Variants in CXCR6 observed in about 807,000 individuals in gnomAD.
The protein encoded by CXCR6 is C-X-C chemokine receptor type 6.
A neutral mutation model predicts 1.6 loss-of-function variants in CXCR6; 3 were observed. That is an observed-to-expected ratio of 1.83 (90% confidence interval 0.83 to 4.72). The LOEUF (loss-of-function observed/expected upper bound fraction) is 4.72, where lower values mean the gene tolerates loss of function less well. Among genes scored for constraint, CXCR6 ranks in the 30% most tolerant of loss-of-function variants. The probability of loss-of-function intolerance (pLI) is 0.02; values close to 1 mark genes in which losing one functional copy is unlikely to be tolerated. For missense variants in CXCR6, 326 were observed against 414.8 expected (o/e 0.79, Z 1.86); for synonymous variants, 171 against 159.2 (o/e 1.07, Z -0.56).
rs1470315626 is a variant in CXCR6 at position 45,947,822 on chromosome 3, G to A, written c.*312G>A. ...TCAGGTTCTCCTTGATTGGGACTGGGGCTGAAGGTTGAAGAGGTGAGCACG... is the reference window on the plus strand; with the variant it reads ...TCAGGTTCTCCTTGATTGGGACTGGAGCTGAAGGTTGAAGAGGTGAGCACG... On this transcript the variant is annotated 3_prime_UTR_variant, in exon 2 of 2. Transcript: ENST00000304552. The A allele has an allele frequency of 8.8e-6, 3 of 340,472 alleles. No individual in the cohort carries two copies. The highest frequency in any genetic ancestry group is 4.2e-5 in the African/African-American group (2 of 47,558). 21.1% of individuals were successfully genotyped at this position (340,472 alleles called of 1,614,324 possible).
Position 45,946,625 on chromosome 3 carries a change from G to A in CXCR6, c.144G>A (p.Gly48=), listed in dbSNP as rs139593309. 1.2e-6 allele frequency: 2 copies of A among 1,614,196 alleles called. No homozygotes were observed. The highest frequency in any genetic ancestry group is 1.3e-5 in the African/African-American group (1 of 75,044). The change falls in exon 2 of 2, where the codon GGG becomes GGA. Residue 48 remains glycine, a synonymous_variant. Transcript: ENST00000304552. ...TGGTGTTTGTCTGTGGTCTGGTGGG[G>A]AACTCTCTGGTGCTGGTCATATCCA... ...YLVVFVCGLV[G]NSLVLVISIF...
upstream of CXCR6, among the ~76,000 whole-genome samples, chr3:45,942,748 T>C (rs1336279609): frequency 6.6e-6 from 1 of 152,148 alleles, no homozygotes. Context: ...AGTCAACATC[T>C]GGGGAATTCC....
intron 1 of CXCR6, 92 bp from the exon 2 acceptor site, chr3:45,946,369 T>C: frequency 1.1e-6 from 1 of 899,940 alleles, no homozygotes; most frequent in Non-Finnish European, 1.7e-6. Context: ...AGAAGATGAC[T>C]ATTTGCCCCC....
rs1023264283 is a variant in CXCR6, at chr3:45,948,182, C to T, written c.*672C>T. 1 of 167,140 alleles carries T rather than the reference C, an allele frequency of 6.0e-6. No homozygotes were observed. The highest frequency in any genetic ancestry group is 1.5e-5 in the Non-Finnish European group (1 of 68,170). 10.4% of individuals were successfully genotyped at this position (167,140 alleles called of 1,614,324 possible). On this transcript the variant is annotated 3_prime_UTR_variant, in exon 2 of 2. Coordinates refer to ENST00000304552, the MANE Select transcript of CXCR6 (RefSeq NM_006564.2). ...TTAAGACTGTAATGAATCTAAGCAG[C>T]ATTTCTGAAGTGGACTCTTTGGTGG... is the stretch of plus-strand genomic sequence containing the variant.
At chr3:45,944,679 T>C (rs1276011032) in intron 1 of CXCR6, among the ~76,000 whole-genome samples, 1 of 152,178 alleles carries the variant, frequency 6.6e-6, no homozygotes, top group African/African-American at 2.4e-5. Flanking sequence ...TTATTATACA[T>C]CAAAGTTTAC....
In CXCR6 at chr3:45,947,767, C is replaced by A; in HGVS notation, c.*257C>A. 1 of 487,026 alleles carries A rather than the reference C, an allele frequency of 2.1e-6. No individual in the cohort carries two copies. Among genetic ancestry groups the A allele is most frequent in the African/African-American group, 1.9e-5 (1 of 51,670 alleles). 30.2% of individuals were successfully genotyped at this position (487,026 alleles called of 1,614,324 possible). On this transcript the variant is annotated 3_prime_UTR_variant, in exon 2 of 2. Transcript: ENST00000304552. ...CCTCCATCTCCAAGAATGCTGAAAC[C>A]AAGGGGGATGACATGTGACTCCTAT...
upstream of CXCR6, chr3:45,941,027 C>A (rs1704197097): frequency 6.6e-6 from 1 of 152,220 alleles, no homozygotes; most frequent in Non-Finnish European, 1.5e-5. Flanking sequence ...TGGCTCTGCT[C>A]CCACCAGATG....
Position 45,947,234 on chromosome 3 carries a change from G to T in CXCR6, c.753G>T (p.Lys251Asn). The T allele has an allele frequency of 2.5e-6, 4 of 1,614,166 alleles. No individual in the cohort carries two copies. The highest frequency in any genetic ancestry group is 3.4e-6 in the Non-Finnish European group (4 of 1,180,048). ...LLTQMPFNLM[K>N]FIRSTHWEYY... is the part of the protein sequence containing the mutation. ...CCCAGATGCCCTTCAACCTCATGAA[G>T]TTCATCCGCAGCACACACTGGGAAT... The change falls in exon 2 of 2, where the codon AAG (lysine) becomes AAT (asparagine). Residue 251 changes from lysine (K) to asparagine (N), a missense_variant. By Grantham distance (94) the Lys-to-Asn change is moderately conservative. Coordinates refer to ENST00000304552, the MANE Select transcript of CXCR6 (RefSeq NM_006564.2).
chr3:45,942,347 C>T (rs1704278776), upstream of CXCR6, among the ~76,000 whole-genome samples: 1 of 152,214 alleles, frequency 6.6e-6, no homozygotes, highest in African/African-American at 2.4e-5. Context: ...AGCATAGGGC[C>T]AGGCTTGCGG....
In CXCR6 at chr3:45,947,506, T is replaced by A; in HGVS notation, c.1025T>A (p.Leu342Ter). The A allele has an allele frequency of 6.2e-7, 1 of 1,611,512 alleles. No homozygotes were observed. Among genetic ancestry groups the A allele is most frequent in the Non-Finnish European group, 8.5e-7 (1 of 1,177,838 alleles). ...GTGGAGGCCACCAGCATGTTCCAGT[T>A]ATAGGCCTTGCCAGGGTTTCGAGAA... ...HNVEATSMFQ[L>*] is the part of the protein sequence containing the mutation. Residue 342 changes from leucine to a stop codon, truncating the protein, a stop_gained, in exon 2 of 2, where the codon TTA (leucine) becomes TAA (stop). Coordinates refer to ENST00000304552, the MANE Select transcript of CXCR6 (RefSeq NM_006564.2). LOFTEE classifies it high-confidence loss of function.
At position 45,946,553 on chromosome 3, in the gene CXCR6, A is replaced by T. The variant is rs1165091717; in HGVS notation, c.72A>T (p.Gln24His). 1.2e-6 allele frequency: 2 copies of T among 1,614,100 alleles called. No individual in the cohort carries two copies. Among genetic ancestry groups the T allele is most frequent in the African/African-American group, 2.7e-5 (2 of 74,938 alleles). ...SFNDSSQEEH[Q>H]DFLQFSKVFL... ...ATGACAGCAGCCAGGAGGAGCATCA[A>T]GACTTCCTGCAGTTCAGCAAGGTCT... is the stretch of plus-strand genomic sequence containing the variant. Residue 24 changes from glutamine (Q) to histidine (H), a missense_variant, in exon 2 of 2, where the codon CAA (glutamine) becomes CAT (histidine). Physicochemically the swap from Gln to His is conservative, Grantham distance 24. Coordinates refer to ENST00000304552, the MANE Select transcript of CXCR6 (RefSeq NM_006564.2).
chr3:45,942,367 G>A (rs1416382049), upstream of CXCR6, among the ~76,000 whole-genome samples: 1 of 152,226 alleles, frequency 6.6e-6, no homozygotes, highest in African/African-American at 2.4e-5. Flanking sequence ...GTAGAAATGA[G>A]TGTTAGTCTC....
intron 1 of CXCR6, chr3:45,946,205 G>T: frequency 2.5e-6 from 1 of 398,900 alleles, no homozygotes; most frequent in Non-Finnish European, 4.6e-6. Context: ...ATGTGCTTAG[G>T]GGTCAGTTAT....
intron 1 of CXCR6, 48 bp from the exon 2 acceptor site, chr3:45,946,413 G>C: frequency 7.2e-7 from 1 of 1,383,592 alleles, no homozygotes; most frequent in Non-Finnish European, 1.0e-6. Flanking sequence ...GGAAGACAAA[G>C]AATGCCATCC....
At position 45,946,958 on chromosome 3, in the gene CXCR6, C is replaced by T; in HGVS notation, c.477C>T (p.Ser159=). ...CCAGCTTGCTCATCTGGGTGATATC[C>T]CTGCTGGTTTCCTTGCCCCAAATTA... ...KVTSLLIWVI[S]LLVSLPQIIY... Residue 159 remains serine (S), a synonymous_variant, in exon 2 of 2, where the codon TCC becomes TCT. Coordinates refer to ENST00000304552, the MANE Select transcript of CXCR6 (RefSeq NM_006564.2). The T allele has an allele frequency of 1.2e-6, 2 of 1,614,170 alleles. No individual in the cohort carries two copies. The highest frequency in any genetic ancestry group is 1.7e-6 in the Non-Finnish European group (2 of 1,180,020).
Position 45,947,030 on chromosome 3 carries a change from T to C in CXCR6, c.549T>C (p.His183=), listed in dbSNP as rs755990393. 7 of 1,614,236 alleles carry C rather than the reference T, an allele frequency of 4.3e-6. No homozygotes were observed. Among genetic ancestry groups the C allele is most frequent in the Non-Finnish European group, 5.1e-6 (6 of 1,180,034 alleles). The stretch of plus-strand genomic sequence containing the variant: ...TCGACAAGCTCATATGTGGTTACCA[T>C]GACGAGGCAATTTCCACTGTGGTTC... ...FNLDKLICGY[H]DEAISTVVLA... is the part of the protein sequence containing the mutation. Residue 183 remains histidine (H), a synonymous_variant, in exon 2 of 2, where the codon CAT becomes CAC. Coordinates refer to ENST00000304552, the MANE Select transcript of CXCR6 (RefSeq NM_006564.2).
chr3:45,941,533 T>C (rs985938088), upstream of CXCR6, among the ~76,000 whole-genome samples: 3 of 152,232 alleles, frequency 2.0e-5, no homozygotes, highest in African/African-American at 7.2e-5. Context: ...AAACGGCATT[T>C]TGTAAAGTGA....
intron 1 of CXCR6, chr3:45,945,762 G>T (rs1704552107): frequency 6.6e-6 from 1 of 152,240 alleles, no homozygotes. Context: ...ACCACCCAAT[G>T]CTTTAACCAT....
chr3:45,947,115 T>C lies in CXCR6; in HGVS notation c.634T>C (p.Ser212Pro). The C allele has an allele frequency of 6.2e-7, 1 of 1,614,236 alleles. No homozygotes were observed. Among genetic ancestry groups the C allele is most frequent in the Non-Finnish European group, 8.5e-7 (1 of 1,180,034 alleles). ...ACTGCTCACCATGATTGTCTGCTATTCAGTCATAATCAAAACACTGCTTCA... is the reference window on the plus strand; with the variant it reads ...ACTGCTCACCATGATTGTCTGCTATCCAGTCATAATCAAAACACTGCTTCA... The part of the protein sequence containing the change: ...LPLLTMIVCY[S>P]VIIKTLLHAG... Residue 212 changes from serine (S) to proline (P), a missense_variant, in exon 2 of 2, where the codon TCA becomes CCA. Coordinates refer to ENST00000304552, the MANE Select transcript of CXCR6 (RefSeq NM_006564.2).
Sources: gnomAD v4.1 joint callset for allele counts (sites outside exome capture counted in the v4.1 genomes callset) on GRCh38, gnomAD v4.1.1 for gene constraint, MANE v1.5 for transcripts, NCBI Gene and HGNC (gene_info 2026-07-23, HGNC 2026-07-21) for gene names.